NLGN4X: variants seen among roughly 807,000 people sequenced by gnomAD.
NLGN4X encodes the protein neuroligin-4, X-linked.
NLGN4X carries 3 observed loss-of-function variants against 40.3 expected under a neutral mutation model. The ratio of observed to expected loss-of-function variants is 0.07; its 90% confidence interval spans 0.03 to 0.19. The LOEUF (loss-of-function observed/expected upper bound fraction) is 0.19, where lower values mean the gene tolerates loss of function less well. NLGN4X is among the 10% of genes least tolerant of loss of function. The probability of loss-of-function intolerance (pLI) is 1.00; values close to 1 mark genes in which losing one functional copy is unlikely to be tolerated. For synonymous variants in NLGN4X, 270 were observed against 306.8 expected, an observed-to-expected ratio of 0.88 and a Z score of 1.25; for missense variants, 382 against 708.3, an observed-to-expected ratio of 0.54 and a Z score of 5.23.
chrX:6,012,555 C>A (rs190099832), intron 3 of NLGN4X, among the ~76,000 whole-genome samples: 312 of 111,394 alleles, frequency 2.8e-3, no homozygotes, highest in African/African-American at 9.8e-3. Context: ...GAGTGGGTTG[C>A]GTAATATCCT....
chrX:6,183,546 C>CA (rs532961024), intron 1 of NLGN4X, among the ~76,000 whole-genome samples: 51 of 90,164 alleles, frequency 5.7e-4, no homozygotes, highest in Middle Eastern at 6.0e-3. Flanking sequence ...GACTCCGTCT[C>CA]AAAAAAAAAA....
chrX:6,153,327 C>A (rs2040202799), intron 1 of NLGN4X, among the ~76,000 whole-genome samples: 1 of 111,211 alleles, frequency 9.0e-6, no homozygotes, highest in South Asian at 3.8e-4. Context: ...GATGAAAACG[C>A]ACTGAAAATC....
chrX:5,977,547 T>G (rs1212627407), intron 3 of NLGN4X, among the ~76,000 whole-genome samples: 2 of 110,937 alleles, frequency 1.8e-5, no homozygotes, highest in African/African-American at 6.6e-5. Flanking sequence ...TTATTATTAT[T>G]ATTAATCTGT....
Position 6,032,545 on chromosome X carries a change from C to G in NLGN4X, c.473-3113G>C, listed in dbSNP as rs1317967697. 9.7e-6 allele frequency: 3 copies of G among 309,577 alleles called. No homozygotes were observed. The East Asian group carries it at 1.5e-4, about 15-fold the overall frequency. The allele number at this position is 309,577 out of a possible 1,213,427, so 25.5% of individuals were successfully genotyped here. A position where few individuals can be genotyped will look rare whatever the true frequency, so the allele number is the denominator to read the frequency against. ...TTAAAAAATGACAGTGGTTTCTATACAAGAAGAAAATAATTAAGGAAGCAC... is the reference window on the plus strand; with the variant it reads ...TTAAAAAATGACAGTGGTTTCTATAGAAGAAGAAAATAATTAAGGAAGCAC... On this transcript the variant is annotated intron_variant, in intron 2 of 5. Coordinates refer to ENST00000381095, the MANE Select transcript of NLGN4X (RefSeq NM_181332.3).
intron 3 of NLGN4X, among the ~76,000 whole-genome samples, chrX:5,913,720 A>G (rs181340457): frequency 1.3e-3 from 143 of 112,139 alleles, no homozygotes; most frequent in African/African-American, 4.3e-3. Flanking sequence ...CACACAAGAG[A>G]TATCAATAGA....
At chrX:6,140,828 T>A (rs1408383469) in intron 2 of NLGN4X, among the ~76,000 whole-genome samples, 4 of 109,815 alleles carry the variant, frequency 3.6e-5, no homozygotes, top group African/African-American at 1.0e-4. Context: ...TCCACCCACC[T>A]AGACCTCCCC....
intron 4 of NLGN4X, among the ~76,000 whole-genome samples, chrX:5,904,677 C>T (rs1171573676): frequency 8.9e-6 from 1 of 111,931 alleles, no homozygotes; most frequent in Admixed American, 9.5e-5. Flanking sequence ...CACGGATGTC[C>T]AGAAGTATAA....
intron 2 of NLGN4X, among the ~76,000 whole-genome samples, chrX:6,042,563 G>T (rs1422150314): frequency 9.7e-6 from 1 of 103,174 alleles, no homozygotes; most frequent in Non-Finnish European, 2.0e-5. Flanking sequence ...AATGTATTTT[G>T]CTAGGTATTT....
chrX:6,003,061 T>C (rs1006228413), intron 3 of NLGN4X, among the ~76,000 whole-genome samples: 1 of 111,826 alleles, frequency 8.9e-6, no homozygotes, highest in Non-Finnish European at 1.9e-5. Flanking sequence ...TGATTGCTCC[T>C]GGACGTCAGT....
At chrX:6,100,586 G>C (rs895534689) in intron 2 of NLGN4X, among the ~76,000 whole-genome samples, 5 of 111,795 alleles carry the variant, frequency 4.5e-5, no homozygotes, top group Non-Finnish European at 9.4e-5. Context: ...TCTCTACCCA[G>C]AAGTAGTTGG....
chrX:5,896,600 C>G (rs1034412416), intron 5 of NLGN4X, among the ~76,000 whole-genome samples: 2 of 112,118 alleles, frequency 1.8e-5, no homozygotes, highest in African/African-American at 3.2e-5. Context: ...TCCACCTGTC[C>G]TGTTTTATTT....
At chrX:6,132,199 G>T (rs2039694788) in intron 2 of NLGN4X, among the ~76,000 whole-genome samples, 1 of 111,536 alleles carries the variant, frequency 9.0e-6, no homozygotes, top group Non-Finnish European at 1.9e-5. Context: ...GGGGCTGGAT[G>T]ATTATGTTTG....
intron 3 of NLGN4X, among the ~76,000 whole-genome samples, chrX:5,915,911 A>C (rs1424147464): frequency 8.9e-6 from 1 of 112,038 alleles, no homozygotes; most frequent in Non-Finnish European, 1.9e-5. Flanking sequence ...ACTCTCATTC[A>C]ATTGGCTGTC....
chrX:5,938,631 G>C (rs1486156243), intron 3 of NLGN4X, among the ~76,000 whole-genome samples: 1 of 108,921 alleles, frequency 9.2e-6, no homozygotes, highest in Non-Finnish European at 1.9e-5. Flanking sequence ...TTAACTCAAC[G>C]GTCAAGAAGC....
At position 5,892,645 on chromosome X, in the gene NLGN4X, G is replaced by A; in HGVS notation, c.*172C>T. On this transcript the variant is annotated 3_prime_UTR_variant, in exon 6 of 6. Transcript: ENST00000381095. ...ATACTGGAAAACACCAACGATAAGGGTCTGCCGGGATGGGATGACTGCCTT... is the reference window on the plus strand; with the variant it reads ...ATACTGGAAAACACCAACGATAAGGATCTGCCGGGATGGGATGACTGCCTT... The A allele has an allele frequency of 1.7e-6, 1 of 591,117 alleles. No homozygotes were observed. 48.7% of individuals were successfully genotyped at this position (591,117 alleles called of 1,213,427 possible). A position where few individuals can be genotyped will look rare whatever the true frequency, so the allele number is the denominator to read the frequency against.
chrX:6,047,089 G>T (rs773963453), intron 2 of NLGN4X, among the ~76,000 whole-genome samples: 53 of 109,424 alleles, frequency 4.8e-4, no homozygotes, highest in African/African-American at 1.6e-3. Flanking sequence ...TTTTAATAAA[G>T]AATGACATTA....
chrX:5,975,107 A>G (rs1010872933), intron 3 of NLGN4X, among the ~76,000 whole-genome samples: 1 of 112,033 alleles, frequency 8.9e-6, no homozygotes, highest in Admixed American at 9.5e-5. Flanking sequence ...AACCAAGGGC[A>G]ATGTAAAACT....
At chrX:6,033,552 G>A (rs1301535555) in intron 2 of NLGN4X, among the ~76,000 whole-genome samples, 6 of 111,896 alleles carry the variant, frequency 5.4e-5, no homozygotes, top group Admixed American at 2.8e-4. Context: ...ATTAAATATC[G>A]TTTGAAGATC....
chrX:5,928,404 G>A (rs2033409906), intron 3 of NLGN4X, among the ~76,000 whole-genome samples: 1 of 111,634 alleles, frequency 9.0e-6, no homozygotes, highest in South Asian at 3.8e-4. Flanking sequence ...GGTGACAGGT[G>A]GCCTCAGGGA....
Sources: allele counts gnomAD v4.1 joint callset (sites outside exome capture counted in the v4.1 genomes callset), GRCh38; gene constraint gnomAD v4.1.1; transcripts MANE v1.5; gene names NCBI Gene and HGNC (gene_info 2026-07-23, HGNC 2026-07-21).